The following ASB3 variants were observed in gnomAD, a reference collection of about 807,000 sequenced individuals.
ASB3 encodes the protein ankyrin repeat and SOCS box containing 3, also known as ankyrin repeat and SOCS box protein 3.
In ASB3, 41 loss-of-function variants were observed where a neutral mutation model predicts 54.5. That is an observed-to-expected ratio of 0.75 (90% CI 0.59 to 0.98). The LOEUF (loss-of-function observed/expected upper bound fraction) is 0.98, where lower values mean the gene tolerates loss of function less well. Among genes scored for constraint, ASB3 ranks in the 50% least tolerant of loss-of-function variants. The probability of loss-of-function intolerance (pLI) is 0.00; values close to 1 mark genes in which losing one functional copy is unlikely to be tolerated. For missense variants in ASB3, 733 were observed against 620.0 expected, an observed-to-expected ratio of 1.18 and a Z score of -1.94; for synonymous variants, 266 against 221.2, an observed-to-expected ratio of 1.20 and a Z score of -1.80.
At chr2:53,766,955 C>G (rs544661759) in intron 1 of ASB3, among the ~76,000 whole-genome samples, 1 of 152,182 alleles carries the variant, frequency 6.6e-6, no homozygotes, top group South Asian at 2.1e-4. Context: ...CACAGAGACA[C>G]AGCCATGATA....
intron 3 of ASB3, among the ~76,000 whole-genome samples, chr2:53,735,643 A>C (rs556845258): frequency 1.2e-4 from 18 of 152,258 alleles, no homozygotes; most frequent in Non-Finnish European, 2.4e-4. Context: ...TTGGAAAAAA[A>C]AAAACAAAAA....
rs781172687 is a variant in ASB3, at chr2:53,729,577, T to C, written c.356-7A>G. On this transcript the variant is annotated splice_region_variant and splice_polypyrimidine_tract_variant and intron_variant, in intron 3 of 9. Transcript: ENST00000263634. ...ATCTGTCCATTTTCAACAGCTGTAA[T>C]ACAGCAGTTAGAAAAATTAATGTCA... The C allele has an allele frequency of 1.7e-5, 28 of 1,612,544 alleles. No homozygotes were observed. Among genetic ancestry groups the C allele is most frequent in the Middle Eastern group, 1.6e-4 (1 of 6,074 alleles).
At chr2:53,732,910 A>G (rs922191578) in intron 3 of ASB3, among the ~76,000 whole-genome samples, 11 of 152,324 alleles carry the variant, frequency 7.2e-5, no homozygotes, top group Admixed American at 2.6e-4. Flanking sequence ...GGAAATATCA[A>G]ATTGGATGGG....
At chr2:53,694,923 G>T (rs1009563191) in intron 8 of ASB3, among the ~76,000 whole-genome samples, 3 of 152,042 alleles carry the variant, frequency 2.0e-5, no homozygotes, top group African/African-American at 4.8e-5. Context: ...GAAAACTTCA[G>T]TATTATATTT....
chr2:53,687,416 A>G (rs1401636508), intron 9 of ASB3, among the ~76,000 whole-genome samples: 1 of 152,216 alleles, frequency 6.6e-6, no homozygotes, highest in Non-Finnish European at 1.5e-5. Flanking sequence ...TCAACAAATG[A>G]AAGGTCATGT....
intron 1 of ASB3, among the ~76,000 whole-genome samples, chr2:53,781,165 T>C (rs1674621532): frequency 6.6e-6 from 1 of 152,018 alleles, no homozygotes; most frequent in African/African-American, 2.4e-5. Context: ...CCCAGCACTT[T>C]GGGAGGCTTG....
At chr2:53,783,583 A>G (rs1456143491) in intron 1 of ASB3, among the ~76,000 whole-genome samples, 1 of 152,242 alleles carries the variant, frequency 6.6e-6, no homozygotes. Context: ...AATGATAAAG[A>G]AAACAGTCTA....
intron 3 of ASB3, among the ~76,000 whole-genome samples, chr2:53,740,314 T>A (rs1671865605): frequency 6.6e-6 from 1 of 152,216 alleles, no homozygotes; most frequent in Non-Finnish European, 1.5e-5. Context: ...AAAAGGAACA[T>A]TTGTAAGAAC....
At chr2:53,689,025 T>A (rs1359732342) in intron 9 of ASB3, among the ~76,000 whole-genome samples, 2 of 152,068 alleles carry the variant, frequency 1.3e-5, no homozygotes, top group African/African-American at 2.4e-5. Flanking sequence ...TTGATCTAAA[T>A]TTTTTTTAAA....
intron 8 of ASB3, 141 bp downstream of exon 8, chr2:53,700,130 C>T (rs1669406294): frequency 7.6e-7 from 1 of 1,322,768 alleles, no homozygotes; most frequent in Non-Finnish European, 1.0e-6. Flanking sequence ...TATTAGCAGC[C>T]ACCAACTCCT....
At chr2:53,751,018 G>A in intron 2 of ASB3, 77 bp from the exon 3 acceptor site, 7 of 1,379,018 alleles carry the variant, frequency 5.1e-6, no homozygotes, top group South Asian at 4.2e-5. Context: ...GATTCCAAGA[G>A]GAATTTAATG....
At chr2:53,677,266 C>T (rs766427983) in intron 9 of ASB3, among the ~76,000 whole-genome samples, 52 of 152,172 alleles carry the variant, frequency 3.4e-4, no homozygotes, top group Non-Finnish European at 6.2e-4. Flanking sequence ...ATAATATTTG[C>T]ACAATGACAA....
chr2:53,671,782 T>C (rs929213114), intron 9 of ASB3, among the ~76,000 whole-genome samples: 3 of 131,934 alleles, frequency 2.3e-5, no homozygotes, highest in African/African-American at 8.3e-5. Flanking sequence ...AAAAGAATCA[T>C]ATGATAGCAG....
chr2:53,724,432 T>C (rs1670879712), intron 5 of ASB3, among the ~76,000 whole-genome samples: 1 of 152,060 alleles, frequency 6.6e-6, no homozygotes, highest in Non-Finnish European at 1.5e-5. Flanking sequence ...ACCCCATCTC[T>C]ACTAAAAATA....
chr2:53,716,434 C>T, intron 6 of ASB3, 132 bp downstream of exon 6: 6 of 1,138,816 alleles, frequency 5.3e-6, no homozygotes, highest in Non-Finnish European at 4.9e-6. Context: ...AGGGGTAGAT[C>T]TGTTCACCCA....
chr2:53,707,070 G>A (rs1669818741), intron 7 of ASB3, among the ~76,000 whole-genome samples: 1 of 152,208 alleles, frequency 6.6e-6, no homozygotes, highest in Non-Finnish European at 1.5e-5. Flanking sequence ...CTGTAGGAGA[G>A]TTACTATGGG....
chr2:53,745,563 T>G (rs1672176638), intron 3 of ASB3, among the ~76,000 whole-genome samples: 1 of 152,216 alleles, frequency 6.6e-6, no homozygotes, highest in Non-Finnish European at 1.5e-5. Context: ...TCAGTCATAA[T>G]CAGATCCAAC....
At chr2:53,690,072 CAAAAAATACA>C (rs1266904570) in intron 9 of ASB3, among the ~76,000 whole-genome samples, 1 of 151,348 alleles carries the variant, frequency 6.6e-6, no homozygotes, top group Non-Finnish European at 1.5e-5. Flanking sequence ...CCTGTCTCAA[CAAAAAATACA>C]AAAATTAGCT....
intron 2 of ASB3, among the ~76,000 whole-genome samples, chr2:53,762,034 T>A (rs1398120498): frequency 6.6e-6 from 1 of 152,204 alleles, no homozygotes. Flanking sequence ...TCTGTTGCAT[T>A]TTAAAATGAT....
Sources: gnomAD v4.1 joint callset for allele counts (sites outside exome capture counted in the v4.1 genomes callset) on GRCh38, gnomAD v4.1.1 for gene constraint, MANE v1.5 for transcripts, NCBI Gene and HGNC (gene_info 2026-07-23, HGNC 2026-07-21) for gene names.